Variants in OSBPL1A observed in about 807,000 individuals in gnomAD.
The protein encoded by OSBPL1A is oxysterol-binding protein-related protein 1.
In OSBPL1A, 80 loss-of-function variants were observed where a neutral mutation model predicts 137.1. That is an observed-to-expected ratio of 0.58 (90% confidence interval 0.49 to 0.70). The LOEUF (loss-of-function observed/expected upper bound fraction) is 0.70. Among genes scored for constraint, OSBPL1A ranks in the 30% least tolerant of loss-of-function variants. The probability of loss-of-function intolerance (pLI) is 0.00; values close to 1 mark genes in which losing one functional copy is unlikely to be tolerated. For missense variants in OSBPL1A, 970 were observed against 1,129.4 expected (o/e 0.86, Z 2.02); for synonymous variants, 365 against 389.7 (o/e 0.94, Z 0.75).
At chr18:24,170,495 GT>G (rs745587569) in intron 23 of OSBPL1A, 42 bp from the exon 24 acceptor site, 3 of 1,612,250 alleles carry the variant, frequency 1.9e-6, no homozygotes, top group Admixed American at 3.4e-5. Context: ...ACCAGTGTTT[GT>G]TTTTTTAAAG....
intron 15 of OSBPL1A, among the ~76,000 whole-genome samples, chr18:24,246,164 A>G (rs1312474616): frequency 1.3e-5 from 2 of 152,126 alleles, no homozygotes; most frequent in African/African-American, 4.8e-5. Context: ...GTGAGCCAAG[A>G]TCACACCACT....
At position 24,211,729 on chromosome 18, in the gene OSBPL1A, C is replaced by T. The variant is rs548347678; in HGVS notation, c.1601+13313G>A. Among the ~76,000 whole-genome samples the T allele has an allele frequency of 1.1e-3, 174 of 151,782 alleles. 1 individual carries two copies. Among genetic ancestry groups the T allele is most frequent in the African/African-American group, 3.6e-3 (147 of 41,404 alleles). Reference sequence around the variant, plus strand: ...CTGTAATCCTAGCACTTCAGGAGGCCGAGGTGGGTAGATCACTTGAGGTCA... The same window carrying T: ...CTGTAATCCTAGCACTTCAGGAGGCTGAGGTGGGTAGATCACTTGAGGTCA... On this transcript the variant is annotated intron_variant, in intron 17 of 27. Transcript: ENST00000319481.
At chr18:24,313,668 A>G (rs1051643517) in intron 12 of OSBPL1A, among the ~76,000 whole-genome samples, 2 of 152,244 alleles carry the variant, frequency 1.3e-5, no homozygotes, top group African/African-American at 4.8e-5. Context: ...GTTAAGGCGT[A>G]GACCTGTCAT....
intron 2 of OSBPL1A, among the ~76,000 whole-genome samples, chr18:24,369,997 G>A (rs566865197): frequency 2.3e-4 from 35 of 152,282 alleles, no homozygotes; most frequent in Admixed American, 3.9e-4. Flanking sequence ...CAAGGATGGC[G>A]GACTGCTTGA....
At chr18:24,240,890 C>T (rs1039791852) in intron 15 of OSBPL1A, among the ~76,000 whole-genome samples, 1 of 152,158 alleles carries the variant, frequency 6.6e-6, no homozygotes, top group Admixed American at 6.5e-5. Context: ...GGTATCCCAA[C>T]AGTTTGAAAA....
At chr18:24,388,858 A>AC (rs918425041) in intron 1 of OSBPL1A, among the ~76,000 whole-genome samples, 12 of 151,040 alleles carry the variant, frequency 7.9e-5, no homozygotes, top group East Asian at 5.8e-4. Flanking sequence ...TGTTTAAAAC[A>AC]CCCCCCCACA....
chr18:24,345,605 G>A (rs1354314164), intron 4 of OSBPL1A, among the ~76,000 whole-genome samples: 1 of 152,122 alleles, frequency 6.6e-6, no homozygotes, highest in Admixed American at 6.5e-5. Flanking sequence ...AGAATTGCTT[G>A]AGCCCAGGAG....
chr18:24,380,492 C>T (rs1385672964), intron 1 of OSBPL1A, among the ~76,000 whole-genome samples: 1 of 152,222 alleles, frequency 6.6e-6, no homozygotes, highest in Non-Finnish European at 1.5e-5. Flanking sequence ...CTCAGAAATA[C>T]CTGTGAGCTC....
chr18:24,270,809 A>G (rs1359737358), intron 15 of OSBPL1A, among the ~76,000 whole-genome samples: 1 of 152,084 alleles, frequency 6.6e-6, no homozygotes, highest in Admixed American at 6.5e-5. Flanking sequence ...TTCTCTCTCG[A>G]AAAAGATTCC....
intron 14 of OSBPL1A, among the ~76,000 whole-genome samples, chr18:24,283,336 A>G (rs1329065944): frequency 2.0e-5 from 3 of 148,142 alleles, no homozygotes; most frequent in Non-Finnish European, 4.5e-5. Context: ...AGACACACAC[A>G]CACACACATA....
intron 1 of OSBPL1A, among the ~76,000 whole-genome samples, chr18:24,380,952 CAAAA>C (rs60495683): frequency 3.6e-4 from 44 of 123,210 alleles, no homozygotes; most frequent in East Asian, 2.4e-3. Flanking sequence ...AATTCCATCT[CAAAA>C]AAAAAAAAAA....
At chr18:24,166,771 T>A in intron 25 of OSBPL1A, 69 bp from the exon 26 acceptor site, 1 of 1,491,564 alleles carries the variant, frequency 6.7e-7, no homozygotes, top group East Asian at 2.3e-5. Flanking sequence ...ATCCTGAAAG[T>A]AGAAGAGGGT....
At chr18:24,234,912 T>C (rs1358848230) in intron 16 of OSBPL1A, among the ~76,000 whole-genome samples, 1 of 152,182 alleles carries the variant, frequency 6.6e-6, no homozygotes, top group African/African-American at 2.4e-5. Context: ...TACTTTTCAT[T>C]GCTCTTTACT....
rs200928816 is a variant in OSBPL1A at position 24,225,143 on chromosome 18, A to G, written c.1500T>C (p.Phe500=). The G allele has an allele frequency of 1.2e-6, 2 of 1,614,108 alleles. No homozygotes were observed. Among genetic ancestry groups the G allele is most frequent in the Non-Finnish European group, 1.7e-6 (2 of 1,179,994 alleles). The change falls in exon 17 of 28, where the codon TTT becomes TTC. Residue 500 remains phenylalanine (F), a synonymous_variant. Coordinates refer to ENST00000319481, the MANE Select transcript of OSBPL1A (RefSeq NM_080597.4). ...SRLEAVTARS[F]EEEGEHLGSR... The stretch of plus-strand genomic sequence containing the variant: ...TGCCCAAATGCTCTCCTTCCTCTTC[A>G]AAGGAGCGTGCTGTCACTGCTTCCA...
At chr18:24,279,391 T>C (rs892893977) in intron 15 of OSBPL1A, among the ~76,000 whole-genome samples, 1 of 152,030 alleles carries the variant, frequency 6.6e-6, no homozygotes, top group Non-Finnish European at 1.5e-5. Context: ...ACTGCGCTAC[T>C]GTACTCCAGC....
intron 4 of OSBPL1A, among the ~76,000 whole-genome samples, chr18:24,366,034 G>A (rs2091697653): frequency 6.6e-6 from 1 of 152,162 alleles, no homozygotes; most frequent in Non-Finnish European, 1.5e-5. Flanking sequence ...TCAGACACCA[G>A]CTGCAGGTCC....
chr18:24,194,926 G>A (rs1350150106), intron 18 of OSBPL1A, among the ~76,000 whole-genome samples: 1 of 152,150 alleles, frequency 6.6e-6, no homozygotes, highest in East Asian at 1.9e-4. Flanking sequence ...TAAAATTAAT[G>A]TTTATGAAAT....
Position 24,377,523 on chromosome 18 carries a change from T to A in OSBPL1A, c.11A>T (p.Glu4Val). The A allele has an allele frequency of 6.3e-7, 1 of 1,594,770 alleles. No individual in the cohort carries two copies. Among genetic ancestry groups the A allele is most frequent in the South Asian group, 1.2e-5 (1 of 86,528 alleles). Residue 4 changes from glutamate to valine, a missense_variant, in exon 2 of 28, where the codon GAA becomes GTA. Glu to Val is a moderately radical substitution (Grantham distance 121). Around this residue, in one of 2 missense-constraint regions of OSBPL1A, gnomAD observed 647 missense variants for 672.6 expected, o/e 0.96. Transcript: ENST00000319481. MNT[E>V]AEQQLLHHAR... ...GTGATGGAGAAGCTGTTGCTCCGCT[T>A]CTGTGTTCATTTCTAAATTAAGAAA...
chr18:24,220,594 C>G (rs1477068489), intron 17 of OSBPL1A, among the ~76,000 whole-genome samples: 3 of 152,096 alleles, frequency 2.0e-5, no homozygotes, highest in African/African-American at 7.2e-5. Flanking sequence ...GCTCACTGCT[C>G]CTGGGTTCTC....
Sources: allele counts gnomAD v4.1 joint callset (sites outside exome capture counted in the v4.1 genomes callset), GRCh38; gene constraint gnomAD v4.1.1; regional missense constraint gnomAD v4.1.1; transcripts MANE v1.5; gene names NCBI Gene and HGNC (gene_info 2026-07-23, HGNC 2026-07-21).